Variants in ZNF274 observed in about 807,000 individuals in gnomAD.
ZNF274 encodes zinc finger protein 274, also known as neurotrophin receptor-interacting factor homolog.
Under a neutral mutation model 42.5 loss-of-function variants are expected in ZNF274, and 23 were observed. The observed-to-expected ratio is 0.54, with a 90% confidence interval of 0.39 to 0.77. The LOEUF (loss-of-function observed/expected upper bound fraction) is 0.77, where lower values mean the gene tolerates loss of function less well. Among genes scored for constraint, ZNF274 ranks in the 30% least tolerant of loss-of-function variants. The pLI, the probability that ZNF274 is intolerant of heterozygous loss-of-function variation, is 0.00. For synonymous variants in ZNF274, 292 were observed against 305.4 expected (o/e 0.96, Z 0.46); for missense variants, 679 against 806.5 (o/e 0.84, Z 1.91).
chr19:58,209,684 A>C, intron 5 of ZNF274: 2 of 272,548 alleles, frequency 7.3e-6, no homozygotes, highest in Non-Finnish European at 1.4e-5. Context: ...AGCCCCCGGA[A>C]AGGGAAGGAG....
intron 4 of ZNF274, among the ~76,000 whole-genome samples, chr19:58,188,605 CAAAAAAA>C (rs1163562490): frequency 8.2e-5 from 4 of 48,836 alleles, no homozygotes; most frequent in Middle Eastern, 0.014. Flanking sequence ...GACTCCATCT[CAAAAAAA>C]AAAAAAAAAT....
chr19:58,201,801 C>T (rs1185939544), intron 4 of ZNF274, among the ~76,000 whole-genome samples: 2 of 152,182 alleles, frequency 1.3e-5, no homozygotes, highest in Non-Finnish European at 2.9e-5. Context: ...AGGCATGAGT[C>T]ACCGCACCAG....
chr19:58,191,129 G>A (rs1022653542), intron 4 of ZNF274, among the ~76,000 whole-genome samples: 1 of 152,118 alleles, frequency 6.6e-6, no homozygotes, highest in Non-Finnish European at 1.5e-5. Flanking sequence ...GTATCTGCCT[G>A]CAGTGGTTTC....
Position 58,211,771 on chromosome 19 carries a change from C to A in ZNF274, c.979+85C>A. On this transcript the variant is annotated intron_variant, in intron 7 of 7. Coordinates refer to ENST00000617501, the MANE Select transcript of ZNF274 (RefSeq NM_133502.3). The surrounding 1 kb of genome is among the most constrained non-coding windows in gnomAD (Gnocchi z 4.8). ...CAGGGGTGTTCACCTTCTCTAGACT[C>A]CACACTGGGCATTCCCTCAAGGGGC... is the stretch of plus-strand genomic sequence containing the variant. 6.7e-7 allele frequency: 1 copy of A among 1,502,118 alleles called. No homozygotes were observed. 93.0% of individuals were successfully genotyped at this position (1,502,118 alleles called of 1,614,324 possible).
intron 4 of ZNF274, among the ~76,000 whole-genome samples, chr19:58,196,820 T>TTTTGCGCTCTTTAATGTC (rs2075848982): frequency 6.6e-6 from 1 of 152,070 alleles, no homozygotes; most frequent in Non-Finnish European, 1.5e-5. Context: ...TCTTTAATGT[T>TTTTGCGCTCTTTAATGTC]TTTGCCCTCT....
At chr19:58,198,807 CTTTTTTT>C (rs59644027) in intron 4 of ZNF274, among the ~76,000 whole-genome samples, 53 of 131,494 alleles carry the variant, frequency 4.0e-4, no homozygotes, top group Non-Finnish European at 7.1e-4. Context: ...TTAACTTTGA[CTTTTTTT>C]TTTTTTTTTT....
intron 5 of ZNF274, chr19:58,209,256 G>C (rs935517383): frequency 1.3e-5 from 2 of 152,218 alleles, no homozygotes; most frequent in Non-Finnish European, 2.9e-5. Context: ...GCTATAGGCT[G>C]TGTTCATCCC....
rs756398371 is a variant in ZNF274 at position 58,212,648 on chromosome 19, T to C, written c.1467T>C (p.Ser489=). The change falls in exon 8 of 8, where the codon AGT becomes AGC. Residue 489 remains serine (S), a synonymous_variant. Transcript: ENST00000617501. This position sits in a 1 kb window ranked among gnomAD's most constrained non-coding sequence, Gnocchi z 4.6. ...KEGNGCRKTF[S]RSTKQITFIR... ...GCAATGGTTGTAGGAAAACCTTCAG[T>C]CGGAGTACTAAACAGATTACGTTTA... 1.2e-6 allele frequency: 2 copies of C among 1,613,900 alleles called. No homozygotes were observed. Among genetic ancestry groups the C allele is most frequent in the African/African-American group, 2.7e-5 (2 of 74,920 alleles).
chr19:58,203,331 C>A (rs1388392015), intron 4 of ZNF274, among the ~76,000 whole-genome samples: 2 of 152,150 alleles, frequency 1.3e-5, no homozygotes, highest in African/African-American at 4.8e-5. Flanking sequence ...CACCTGTAAT[C>A]CCAGCACTTT....
intron 4 of ZNF274, among the ~76,000 whole-genome samples, chr19:58,201,029 C>T (rs1278976558): frequency 6.6e-6 from 1 of 150,944 alleles, no homozygotes; most frequent in Admixed American, 6.6e-5. Context: ...TTTTTGGAGA[C>T]ACGGTCTCAC....
rs1420059030 is a variant in ZNF274, at chr19:58,207,736, T to C, written c.739+534T>C. ...CCAAGATGGAAGGGATCACAGTAAA[T>C]GCAAAACTCAGAAAAATCGGTTATG... On this transcript the variant is annotated intron_variant, in intron 5 of 7. Coordinates refer to ENST00000617501, the MANE Select transcript of ZNF274 (RefSeq NM_133502.3). The surrounding 1 kb of genome is among the most constrained non-coding windows in gnomAD (Gnocchi z 5.6). Among the ~76,000 whole-genome samples the C allele has an allele frequency of 6.8e-6, 1 of 147,464 alleles. No homozygotes were observed. The highest frequency in any genetic ancestry group is 1.5e-5 in the Non-Finnish European group (1 of 67,986).
intron 4 of ZNF274, among the ~76,000 whole-genome samples, chr19:58,199,447 C>G (rs900160540): frequency 6.6e-6 from 1 of 151,890 alleles, no homozygotes; most frequent in Non-Finnish European, 1.5e-5. Context: ...GTGGCTCACA[C>G]CTGTACTGGA....
chr19:58,195,574 T>C (rs1210464802), intron 4 of ZNF274, among the ~76,000 whole-genome samples: 1 of 152,144 alleles, frequency 6.6e-6, no homozygotes, highest in Non-Finnish European at 1.5e-5. Context: ...AGAACTGGTA[T>C]TGAGTTTAGA....
chr19:58,183,482 C>T (rs1202787634), intron 1 of ZNF274, 40 bp downstream of exon 1: 1 of 153,566 alleles, frequency 6.5e-6, no homozygotes, highest in Non-Finnish European at 1.5e-5. Flanking sequence ...GGGGGCTGCG[C>T]TGGGCGGGTC....
chr19:58,190,968 G>C (rs774109309), intron 4 of ZNF274, among the ~76,000 whole-genome samples: 5 of 152,238 alleles, frequency 3.3e-5, no homozygotes, highest in Middle Eastern at 3.4e-3. Context: ...TGATTTCTTC[G>C]TATTTCAGCT....
intron 4 of ZNF274, among the ~76,000 whole-genome samples, chr19:58,188,688 G>GTATATGTATATATATATATATATATATA (rs1362681287): frequency 1.9e-5 from 1 of 52,978 alleles, no homozygotes; most frequent in Non-Finnish European, 3.4e-5. Context: ...ATATATATAT[G>GTATATGTATATATATATATATATATATA]TATATGTATA....
chr19:58,201,604 C>T (rs2146226679), intron 4 of ZNF274, among the ~76,000 whole-genome samples: 1 of 151,884 alleles, frequency 6.6e-6, no homozygotes. Flanking sequence ...GTAACCTCCA[C>T]CTCCTGGGTT....
chr19:58,207,664 G>C lies in ZNF274; in HGVS notation c.739+462G>C, dbSNP rs953987665. ...TGGAACTTGGCCAGGGTAAAGAAAG[G>C]GGGCAGGAAAGATGTGCCATGCAGA... On this transcript the variant is annotated intron_variant, in intron 5 of 7. Transcript: ENST00000617501. The surrounding 1 kb of genome is among the most constrained non-coding windows in gnomAD (Gnocchi z 5.6). 6.6e-6 allele frequency among the ~76,000 whole-genome samples: 1 copy of C among 152,182 alleles called. No individual in the cohort carries two copies. Among genetic ancestry groups the C allele is most frequent in the African/African-American group, 2.4e-5 (1 of 41,428 alleles).
chr19:58,200,361 T>C (rs944624213), intron 4 of ZNF274, among the ~76,000 whole-genome samples: 17 of 152,216 alleles, frequency 1.1e-4, no homozygotes, highest in Non-Finnish European at 1.8e-4. Flanking sequence ...GAAAGTTCCA[T>C]TGGACAGCAC....
Sources: gnomAD v4.1 joint callset for allele counts (sites outside exome capture counted in the v4.1 genomes callset) on GRCh38, gnomAD v4.1.1 for gene constraint, Gnocchi (gnomAD v3.1) non-coding constraint, MANE v1.5 for transcripts, NCBI Gene and HGNC (gene_info 2026-07-23, HGNC 2026-07-21) for gene names.